Variants in FN3K observed in about 807,000 individuals in gnomAD.
FN3K encodes the protein fructosamine-3-kinase.
Under a neutral mutation model 24.8 loss-of-function variants are expected in FN3K, and 24 were observed. That is an observed-to-expected ratio of 0.97 (90% CI 0.70 to 1.36). FN3K has a LOEUF of 1.36. FN3K is among the 40% of genes most tolerant of loss of function. The pLI is 0.00. For missense variants in FN3K, 449 were observed against 416.7 expected, an observed-to-expected ratio of 1.08 and a Z score of -0.67; for synonymous variants, 192 against 175.2, an observed-to-expected ratio of 1.10 and a Z score of -0.76.
At chr17:82,750,369 A>T (rs1400724338) in intron 5 of FN3K, 48 bp from the exon 6 acceptor site, 2 of 1,527,502 alleles carry the variant, frequency 1.3e-6, no homozygotes, top group Non-Finnish European at 1.8e-6. Context: ...AGGTGATGAG[A>T]CCGGGGCTCC....
chr17:82,743,896 C>T (rs747479077), intron 4 of FN3K, among the ~76,000 whole-genome samples: 52 of 152,300 alleles, frequency 3.4e-4, no homozygotes, highest in Non-Finnish European at 6.3e-4. Flanking sequence ...GTGGCACCTT[C>T]CCCGGGTAGC....
At position 82,751,023 on chromosome 17, in the gene FN3K, TC is replaced by T. The variant is rs2143667311; in HGVS notation, c.*274del. 2 of 105,950 alleles carry T rather than the reference TC, an allele frequency of 1.9e-5. No individual in the cohort carries two copies. The highest frequency in any genetic ancestry group is 5.1e-4 in the African/African-American group (2 of 3,918). 6.6% of individuals were successfully genotyped at this position (105,950 alleles called of 1,614,324 possible). On this transcript the variant is annotated 3_prime_UTR_variant, in exon 6 of 6. Coordinates refer to ENST00000300784, the MANE Select transcript of FN3K (RefSeq NM_022158.4). The stretch of plus-strand genomic sequence containing the variant: ...TCCCCGTCCCCCATCTCCGTCCCCG[TC>T]CCCCCTGCCCCGTCCCCGTCTCCGT...
intron 1 of FN3K, 29 bp from the exon 2 acceptor site, chr17:82,738,460 A>C (rs576793926): frequency 6.2e-7 from 1 of 1,611,546 alleles, no homozygotes; most frequent in South Asian, 1.1e-5. Flanking sequence ...TGAGTCAACA[A>C]GGCTGACAAG....
intron 4 of FN3K, chr17:82,744,921 G>A (rs552664726): frequency 2.0e-5 from 3 of 152,322 alleles, no homozygotes; most frequent in African/African-American, 7.2e-5. Context: ...AGCCCAAGGC[G>A]GTTTTTCCCT....
chr17:82,743,037 C>T (rs2046949460), intron 4 of FN3K, among the ~76,000 whole-genome samples: 1 of 151,654 alleles, frequency 6.6e-6, no homozygotes, highest in Non-Finnish European at 1.5e-5. Context: ...CCAGATTTAC[C>T]GAGACCCCCG....
intron 4 of FN3K, among the ~76,000 whole-genome samples, chr17:82,748,405 C>T (rs1018646756): frequency 6.6e-6 from 1 of 152,170 alleles, no homozygotes; most frequent in African/African-American, 2.4e-5. Flanking sequence ...CCTCAGCCTC[C>T]CAAAGTGCTG....
intron 4 of FN3K, among the ~76,000 whole-genome samples, chr17:82,748,615 C>T (rs1460954330): frequency 1.3e-5 from 2 of 151,782 alleles, no homozygotes; most frequent in African/African-American, 2.4e-5. Flanking sequence ...TTTTGACATT[C>T]GTATTTAATG....
intron 4 of FN3K, 67 bp from the exon 5 acceptor site, chr17:82,748,788 C>T: frequency 1.9e-6 from 3 of 1,610,320 alleles, no homozygotes; most frequent in Non-Finnish European, 2.5e-6. Context: ...TTTGAATGGT[C>T]CCTCTAGGGT....
chr17:82,740,762 G>A lies in FN3K; in HGVS notation c.294-1G>A. ...ATTAGCTGCATTTCTTCTTTCCTCAGTCAAGCATCAAAACTTGGAGAGCAG... is the reference window on the plus strand; with the variant it reads ...ATTAGCTGCATTTCTTCTTTCCTCAATCAAGCATCAAAACTTGGAGAGCAG... On this transcript the variant is annotated splice_acceptor_variant, in intron 2 of 5. Transcript: ENST00000300784. LOFTEE classifies it high-confidence loss of function. The A allele has an allele frequency of 6.2e-7, 1 of 1,610,656 alleles. No individual in the cohort carries two copies. The highest frequency in any genetic ancestry group is 8.5e-7 in the Non-Finnish European group (1 of 1,177,084).
At chr17:82,744,587 G>T (rs1014507063) in intron 4 of FN3K, among the ~76,000 whole-genome samples, 7 of 150,264 alleles carry the variant, frequency 4.7e-5, no homozygotes, top group Non-Finnish European at 3.0e-5. Context: ...GGTAGAACGA[G>T]AGACTTGGAA....
At chr17:82,750,336 G>C in intron 5 of FN3K, 81 bp from the exon 6 acceptor site, 1 of 1,284,534 alleles carries the variant, frequency 7.8e-7, no homozygotes, top group Middle Eastern at 1.8e-4. Context: ...TCGCGAGTGG[G>C]CTTTGCCTTA....
At chr17:82,736,961 C>G (rs1035207563) in intron 1 of FN3K, among the ~76,000 whole-genome samples, 2 of 152,148 alleles carry the variant, frequency 1.3e-5, no homozygotes, top group African/African-American at 2.4e-5. Context: ...AGTAGCTGCT[C>G]AGTCCATGCA....
At chr17:82,748,617 T>C (rs533981805) in intron 4 of FN3K, among the ~76,000 whole-genome samples, 1 of 152,312 alleles carries the variant, frequency 6.6e-6, no homozygotes, top group African/African-American at 2.4e-5. Context: ...TTGACATTCG[T>C]ATTTAATGTG....
At chr17:82,736,901 G>T (rs1270600180) in intron 1 of FN3K, among the ~76,000 whole-genome samples, 1 of 152,222 alleles carries the variant, frequency 6.6e-6, no homozygotes, top group Non-Finnish European at 1.5e-5. Flanking sequence ...TGAAAGCTCT[G>T]CAGGGTGAGA....
At position 82,735,634 on chromosome 17, in the gene FN3K, T is replaced by G; in HGVS notation, c.-3T>G. The G allele has an allele frequency of 6.6e-7, 1 of 1,525,802 alleles. No individual in the cohort carries two copies. Among genetic ancestry groups the G allele is most frequent in the South Asian group, 1.2e-5 (1 of 82,170 alleles). 94.5% of individuals were successfully genotyped at this position (1,525,802 alleles called of 1,614,324 possible). A position where few individuals can be genotyped will look rare whatever the true frequency, so the allele number is the denominator to read the frequency against. ...GCGAGCAGAGTCCCGCGCCCCGCAC[T>G]CCATGGAGCAGCTGCTGCGCGCCGA... On this transcript the variant is annotated 5_prime_UTR_variant, in exon 1 of 6. Transcript: ENST00000300784.
chr17:82,738,947 T>TATATATATA (rs1491164859), intron 2 of FN3K, among the ~76,000 whole-genome samples: 3 of 65,254 alleles, frequency 4.6e-5, no homozygotes, highest in African/African-American at 6.4e-5. Context: ...TATATATATA[T>TATATATATA]TTTTTTTTTT....
At position 82,737,483 on chromosome 17, in the gene FN3K, T is replaced by C. The variant is rs533569499; in HGVS notation, c.142-1006T>C. Among the ~76,000 whole-genome samples, 3 of 152,168 alleles carry C rather than the reference T, an allele frequency of 2.0e-5. No individual in the cohort carries two copies. The South Asian group carries it at 6.2e-4, about 32-fold the overall frequency. The stretch of plus-strand genomic sequence containing the variant: ...GACTACAGGTGCCCGCCACCTTGCC[T>C]GGCTAATTTTTTGTATTTTTAGTAG... On this transcript the variant is annotated intron_variant, in intron 1 of 5. Transcript: ENST00000300784.
At chr17:82,744,640 A>G (rs2046958334) in intron 4 of FN3K, among the ~76,000 whole-genome samples, 1 of 151,912 alleles carries the variant, frequency 6.6e-6, no homozygotes, top group East Asian at 1.9e-4. Flanking sequence ...AAATAAGGGG[A>G]CCCAGGGAAC....
At chr17:82,746,538 C>T (rs529519419) in intron 4 of FN3K, among the ~76,000 whole-genome samples, 4 of 152,208 alleles carry the variant, frequency 2.6e-5, no homozygotes, top group Admixed American at 6.5e-5. Context: ...TGGTGGCTCG[C>T]GCCTGTAATC....
Sources: gnomAD v4.1 joint callset for allele counts (sites outside exome capture counted in the v4.1 genomes callset) on GRCh38, gnomAD v4.1.1 for gene constraint, MANE v1.5 for transcripts, NCBI Gene and HGNC (gene_info 2026-07-23, HGNC 2026-07-21) for gene names.